The following DAG1 variants were observed in gnomAD, a reference collection of about 807,000 sequenced individuals.
DAG1 encodes the protein dystroglycan 1, also known as dystroglycan 1 (dystrophin-associated glycoprotein 1).
A neutral mutation model predicts 46.1 loss-of-function variants in DAG1; 8 were observed. The ratio of observed to expected loss-of-function variants is 0.17; its 90% CI spans 0.10 to 0.31. The LOEUF is 0.31. Ranked by LOEUF, DAG1 falls within the 10% of genes least tolerant of loss-of-function variation. The pLI is 1.00. For synonymous variants in DAG1, 495 were observed against 481.8 expected (o/e 1.03, Z -0.36); for missense variants, 1,003 against 1,189.9 (o/e 0.84, Z 2.31).
intron 1 of DAG1, 142 bp downstream of exon 1, chr3:49,470,575 T>A (rs959117154): frequency 6.6e-6 from 1 of 152,246 alleles, no homozygotes. Context: ...TCCTTGTGGG[T>A]GAGGAGGCGG....
chr3:49,497,624 T>A (rs942890672), intron 1 of DAG1, among the ~76,000 whole-genome samples: 7 of 151,392 alleles, frequency 4.6e-5, no homozygotes, highest in Admixed American at 6.6e-5. Flanking sequence ...AAAAAAAAAA[T>A]AAAAATAACC....
intron 1 of DAG1, among the ~76,000 whole-genome samples, chr3:49,490,006 G>A (rs566497311): frequency 6.6e-6 from 1 of 152,252 alleles, no homozygotes; most frequent in Admixed American, 6.5e-5. Context: ...TGGCATGGAC[G>A]TCCTGAGAGG....
At chr3:49,499,345 T>C (rs188591277) in intron 1 of DAG1, among the ~76,000 whole-genome samples, 213 of 152,234 alleles carry the variant, frequency 1.4e-3, no homozygotes, top group Non-Finnish European at 2.6e-3. Context: ...TGAGCTATAA[T>C]TGTTTCTGTG....
At position 49,531,180 on chromosome 3, in the gene DAG1, C is replaced by T. The variant is rs529287786; in HGVS notation, c.669C>T (p.His223=). 1.2e-6 allele frequency: 2 copies of T among 1,614,178 alleles called. No individual in the cohort carries two copies. Among genetic ancestry groups the T allele is most frequent in the East Asian group, 4.5e-5 (2 of 44,886 alleles). The change falls in exon 3 of 3, where the codon CAC becomes CAT. Residue 223 remains histidine, a synonymous_variant. Coordinates refer to ENST00000308775, the MANE Select transcript of DAG1 (RefSeq NM_004393.6). This position sits in a 1 kb window ranked among gnomAD's most constrained non-coding sequence, Gnocchi z 7.0. ...GGAGCTTCTCAGAAGTAGAGCTTCA[C>T]AACATGAAATTAGTGCCGGTGGTGA... The part of the protein sequence containing the change: ...RMRSFSEVEL[H]NMKLVPVVNN...
In DAG1 at chr3:49,531,437, G is replaced by A. The variant is rs142738071; in HGVS notation, c.926G>A (p.Arg309His). The A allele has an allele frequency of 1.9e-6, 3 of 1,613,648 alleles. No homozygotes were observed. Among genetic ancestry groups the A allele is most frequent in the African/African-American group, 1.3e-5 (1 of 74,830 alleles). The part of the protein sequence containing the change: ...IANKKPPLPK[R>H]VRRQIHATPT... ...AATAAGAAGCCCCCTCTTCCCAAAC[G>A]CGTCCGGAGGCAGATCCATGCTACA... The change falls in exon 3 of 3, where the codon CGC becomes CAC. Residue 309 changes from arginine to histidine, a missense_variant. By Grantham distance (29) the Arg-to-His change is conservative. This residue lies in a region of DAG1 where 755 missense variants were observed against 854.1 expected (regional missense o/e 0.88). Transcript: ENST00000308775. The surrounding 1 kb of genome is among the most constrained non-coding windows in gnomAD (Gnocchi z 7.0).
At chr3:49,483,065 TA>T (rs1159285731) in intron 1 of DAG1, among the ~76,000 whole-genome samples, 3 of 152,172 alleles carry the variant, frequency 2.0e-5, no homozygotes, top group African/African-American at 7.2e-5. Context: ...ATTTCCTTTT[TA>T]TTTGGCTATT....
intron 1 of DAG1, among the ~76,000 whole-genome samples, chr3:49,478,083 A>G (rs138749727): frequency 4.6e-5 from 7 of 151,774 alleles, no homozygotes; most frequent in Non-Finnish European, 7.4e-5. Context: ...CCTGGTCGAC[A>G]TGGTAAAACC....
At chr3:49,490,885 T>C (rs919353026) in intron 1 of DAG1, among the ~76,000 whole-genome samples, 2 of 144,736 alleles carry the variant, frequency 1.4e-5, no homozygotes, top group African/African-American at 5.2e-5. Flanking sequence ...AAATTCTTTT[T>C]TTTTTTTTTT....
intron 1 of DAG1, among the ~76,000 whole-genome samples, chr3:49,501,814 CAA>C (rs397946201): frequency 1.7e-4 from 21 of 121,632 alleles, no homozygotes; most frequent in Non-Finnish European, 1.9e-4. Context: ...ACTCCCTCTC[CAA>C]AAAAAAAAAA....
At chr3:49,512,885 G>C (rs988623193) in intron 2 of DAG1, among the ~76,000 whole-genome samples, 1 of 151,968 alleles carries the variant, frequency 6.6e-6, no homozygotes, top group South Asian at 2.1e-4. Flanking sequence ...CAAACTTCTG[G>C]TTCCTGCCCT....
chr3:49,532,196 A>G lies in DAG1; in HGVS notation c.1685A>G (p.Tyr562Cys), dbSNP rs761497544. 6.2e-7 allele frequency: 1 copy of G among 1,614,218 alleles called. No individual in the cohort carries two copies. Among genetic ancestry groups the G allele is most frequent in the Admixed American group, 1.7e-5 (1 of 60,026 alleles). Residue 562 changes from tyrosine to cysteine, a missense_variant, in exon 3 of 3, where the codon TAT becomes TGT. Physicochemically the swap from Tyr to Cys is radical, Grantham distance 194. Around this residue, in one of 3 missense-constraint regions of DAG1, gnomAD observed 755 missense variants for 854.1 expected, o/e 0.88. Coordinates refer to ENST00000308775, the MANE Select transcript of DAG1 (RefSeq NM_004393.6). This position sits in a 1 kb window ranked among gnomAD's most constrained non-coding sequence, Gnocchi z 5.4. ...TTCAACAGCAACAGCCAGCTCATGT[A>G]TGGCCTTCCCGACAGCAGCCACGTG... is the stretch of plus-strand genomic sequence containing the variant. The part of the protein sequence containing the change: ...VQFNSNSQLM[Y>C]GLPDSSHVGK...
chr3:49,470,670 C>G (rs1027925231), intron 1 of DAG1: 24 of 152,220 alleles, frequency 1.6e-4, no homozygotes, highest in Non-Finnish European at 1.5e-5. Context: ...GGGCCGCGCG[C>G]CGCGGCGATG....
At chr3:49,500,722 C>T (rs1042919919) in intron 1 of DAG1, among the ~76,000 whole-genome samples, 1 of 152,182 alleles carries the variant, frequency 6.6e-6, no homozygotes, top group Non-Finnish European at 1.5e-5. Flanking sequence ...GACTAGGTGG[C>T]TGTGGCCAGA....
At chr3:49,508,568 T>C (rs1422326764) in intron 1 of DAG1, among the ~76,000 whole-genome samples, 1 of 152,112 alleles carries the variant, frequency 6.6e-6, no homozygotes, top group African/African-American at 2.4e-5. Context: ...CTGGCTAATT[T>C]TTTGTATTTG....
intron 2 of DAG1, among the ~76,000 whole-genome samples, chr3:49,528,936 C>A (rs933964833): frequency 6.6e-6 from 1 of 151,936 alleles, no homozygotes; most frequent in African/African-American, 2.4e-5. Flanking sequence ...CTGCAACCTC[C>A]GCTTCCCAGG....
At position 49,510,424 on chromosome 3, in the gene DAG1, G is replaced by A; in HGVS notation, c.-111G>A. ...TGCTTTTCTTTTTTTTTCAGGCTCT[G>A]TGTGCTCCGGGATGGAGCAGGTGTG... On this transcript the variant is annotated 5_prime_UTR_variant, in exon 2 of 3. It adds an upstream start codon to the 5' untranslated region. Transcript: ENST00000308775. 1 of 1,049,768 alleles carries A rather than the reference G, an allele frequency of 9.5e-7. No homozygotes were observed. The highest frequency in any genetic ancestry group is 1.3e-5 in the South Asian group (1 of 79,350). 65.0% of individuals were successfully genotyped at this position (1,049,768 alleles called of 1,614,324 possible). A position where few individuals can be genotyped will look rare whatever the true frequency, so the allele number is the denominator to read the frequency against.
intron 1 of DAG1, among the ~76,000 whole-genome samples, chr3:49,488,033 G>C (rs556985125): frequency 6.6e-6 from 1 of 152,170 alleles, no homozygotes; most frequent in Non-Finnish European, 1.5e-5. Flanking sequence ...CAATTTTCCT[G>C]AGGTACTCAA....
At position 49,533,276 on chromosome 3, in the gene DAG1, C is replaced by T; in HGVS notation, c.*77C>T. The stretch of plus-strand genomic sequence containing the variant: ...TGGTGTTGTCTGTGGAGACCGGTGG[C>T]CTGCAGACCATTGCCCACCGGGAGC... On this transcript the variant is annotated 3_prime_UTR_variant, in exon 3 of 3. Transcript: ENST00000308775. 6.3e-7 allele frequency: 1 copy of T among 1,583,652 alleles called. No homozygotes were observed. The highest frequency in any genetic ancestry group is 8.5e-7 in the Non-Finnish European group (1 of 1,171,042).
At chr3:49,526,304 G>A (rs1465449519) in intron 2 of DAG1, among the ~76,000 whole-genome samples, 1 of 152,212 alleles carries the variant, frequency 6.6e-6, no homozygotes, top group African/African-American at 2.4e-5. Context: ...TTTGACATGA[G>A]ATTTGGGCAG....
Sources: allele counts gnomAD v4.1 joint callset (sites outside exome capture counted in the v4.1 genomes callset), GRCh38; gene constraint gnomAD v4.1.1; regional missense constraint gnomAD v4.1.1; non-coding constraint Gnocchi (gnomAD v3.1); transcripts MANE v1.5; gene names NCBI Gene and HGNC (gene_info 2026-07-23, HGNC 2026-07-21).